Variants in DNAH11 observed in about 807,000 individuals in gnomAD.
DNAH11 encodes the protein axonemal beta dynein heavy chain 11.
In DNAH11, 442 loss-of-function variants were observed where a neutral mutation model predicts 526.0. That is an observed-to-expected ratio of 0.84 (90% CI 0.78 to 0.91). The LOEUF is 0.91. Ranked by LOEUF, DNAH11 falls within the 40% of genes least tolerant of loss-of-function variation. The pLI is 0.00. For missense variants in DNAH11, 6,989 were observed against 5,448.7 expected, an observed-to-expected ratio of 1.28 and a Z score of -8.90; for synonymous variants, 2,461 against 1,935.9, an observed-to-expected ratio of 1.27 and a Z score of -7.12.
At chr7:21,831,211 C>T (rs564428896) in intron 65 of DNAH11, among the ~76,000 whole-genome samples, 1 of 152,284 alleles carries the variant, frequency 6.6e-6, no homozygotes, top group Admixed American at 6.5e-5. Context: ...AATTTAAGTT[C>T]AAGAGCTCAT....
At chr7:21,738,502 C>G (rs1172996574) in intron 46 of DNAH11, among the ~76,000 whole-genome samples, 199 bp from the exon 47 acceptor site, 9 of 152,092 alleles carry the variant, frequency 5.9e-5, no homozygotes, top group Non-Finnish European at 1.2e-4. Context: ...CTTCTGGCAA[C>G]AGGAGGGAGA....
intron 68 of DNAH11, among the ~76,000 whole-genome samples, chr7:21,860,044 A>G (rs1583782654): frequency 6.6e-6 from 1 of 152,160 alleles, no homozygotes; most frequent in Admixed American, 6.5e-5. Flanking sequence ...GTGATGACAC[A>G]TGCCTGTGGT....
Position 21,818,310 on chromosome 7 carries a change from A to G in DNAH11, c.10662A>G (p.Leu3554=). ...CGATAGATCCAGTCCTGGATCCACT[A>G]CTTGGCAGGAACACAATTAAAAAAG... ...EETIDPVLDP[L]LGRNTIKKGK... The change falls in exon 65 of 82, where the codon CTA becomes CTG. Residue 3554 remains leucine (L), a synonymous_variant. Coordinates refer to ENST00000409508, the MANE Select transcript of DNAH11 (RefSeq NM_001277115.2). The G allele has an allele frequency of 6.2e-7, 1 of 1,607,988 alleles. No individual in the cohort carries two copies.
chr7:21,609,121 G>T (rs1041646385), intron 20 of DNAH11, among the ~76,000 whole-genome samples: 14 of 152,160 alleles, frequency 9.2e-5, no homozygotes, highest in African/African-American at 3.4e-4. Context: ...AAGTACTACC[G>T]TTTCTTCACA....
rs57860166 is a variant in DNAH11, at chr7:21,659,419, G to C, written c.5328+388G>C. Reference sequence around the variant, plus strand: ...AAGAGCAAATATTTTCATGGGCTTTGGTTTTCTGTTAATTATAAATTACAG... The same window carrying C: ...AAGAGCAAATATTTTCATGGGCTTTCGTTTTCTGTTAATTATAAATTACAG... On this transcript the variant is annotated intron_variant, in intron 30 of 81. Transcript: ENST00000409508. 9.8e-4 allele frequency among the ~76,000 whole-genome samples: 149 copies of C among 151,770 alleles called. 4 individuals are homozygous for C. The East Asian group carries it at 0.025, about 25-fold the overall frequency.
chr7:21,853,073 G>A (rs187851124), intron 67 of DNAH11, among the ~76,000 whole-genome samples: 2 of 152,304 alleles, frequency 1.3e-5, no homozygotes, highest in East Asian at 3.9e-4. Context: ...ACCGAGCAAA[G>A]GATAATCTCC....
Position 21,561,100 on chromosome 7 carries a change from T to A in DNAH11, c.912T>A (p.Val304=). 1 of 1,603,738 alleles carries A rather than the reference T, an allele frequency of 6.2e-7. No individual in the cohort carries two copies. The highest frequency in any genetic ancestry group is 8.5e-7 in the Non-Finnish European group (1 of 1,174,800). The change falls in exon 5 of 82, where the codon GTT becomes GTA. Residue 304 remains valine (V), a synonymous_variant. Coordinates refer to ENST00000409508, the MANE Select transcript of DNAH11 (RefSeq NM_001277115.2). ...AGGCACCTGTTGTCCTCAAAATGGT[T>A]AAGATCCTGACAACTAAACAAAGCA... ...QLQAPVVLKM[V]KILTTKQSSY... is the part of the protein sequence containing the mutation.
chr7:21,842,141 A>G (rs1227377491), intron 65 of DNAH11, among the ~76,000 whole-genome samples: 1 of 152,146 alleles, frequency 6.6e-6, no homozygotes, highest in Non-Finnish European at 1.5e-5. Flanking sequence ...TCTTGTTTAT[A>G]TCAATTAGTC....
intron 2 of DNAH11, among the ~76,000 whole-genome samples, chr7:21,547,173 T>C (rs1782834951): frequency 6.6e-6 from 1 of 152,270 alleles, no homozygotes; most frequent in African/African-American, 2.4e-5. Flanking sequence ...CTATTTGTTT[T>C]AAACGATATT....
intron 73 of DNAH11, among the ~76,000 whole-genome samples, chr7:21,871,423 A>G (rs1163342006): frequency 6.6e-6 from 1 of 152,232 alleles, no homozygotes; most frequent in East Asian, 1.9e-4. Context: ...GCTAGATTCC[A>G]AAGTGTGCCT....
At chr7:21,785,686 T>G (rs1205535150) in intron 58 of DNAH11, among the ~76,000 whole-genome samples, 2 of 134,014 alleles carry the variant, frequency 1.5e-5, no homozygotes, top group Non-Finnish European at 3.2e-5. Context: ...ACTTAAAATA[T>G]GAAGCTGTGT....
chr7:21,560,022 C>T (rs1392133911), intron 4 of DNAH11, among the ~76,000 whole-genome samples: 1 of 152,104 alleles, frequency 6.6e-6, no homozygotes, highest in Non-Finnish European at 1.5e-5. Context: ...AAATATTGTG[C>T]TACCTTGGAA....
intron 46 of DNAH11, 43 bp from the exon 47 acceptor site, chr7:21,738,658 T>TA: frequency 6.6e-6 from 10 of 1,506,284 alleles, no homozygotes; most frequent in Non-Finnish European, 8.9e-6. Flanking sequence ...AATGAACATT[T>TA]ACATTCTGTT....
intron 56 of DNAH11, among the ~76,000 whole-genome samples, chr7:21,774,454 C>T (rs895135291): frequency 1.3e-5 from 2 of 152,112 alleles, no homozygotes; most frequent in African/African-American, 4.8e-5. Flanking sequence ...TTGTCTGCTC[C>T]TCTTACACAT....
In DNAH11 at chr7:21,748,711, T is replaced by C. The variant is rs1309052689; in HGVS notation, c.8642T>C (p.Leu2881Pro). 1 of 1,613,534 alleles carries C rather than the reference T, an allele frequency of 6.2e-7. No individual in the cohort carries two copies. Among genetic ancestry groups the C allele is most frequent in the Non-Finnish European group, 8.5e-7 (1 of 1,179,646 alleles). The change falls in exon 52 of 82, where the codon CTG becomes CCG. Residue 2881 changes from leucine to proline, a missense_variant. Physicochemically the swap from Leu to Pro is moderately conservative, Grantham distance 98. Transcript: ENST00000409508. ...LRGLEVFQIT[L>P]TEGYGIQELR... Reference sequence around the variant, plus strand: ...GGCCTTGAGGTCTTTCAGATCACTCTGACCGAGGGCTATGGAATCCAGGAA... The same window carrying C: ...GGCCTTGAGGTCTTTCAGATCACTCCGACCGAGGGCTATGGAATCCAGGAA...
chr7:21,737,316 C>A (rs1434854267), intron 46 of DNAH11, among the ~76,000 whole-genome samples: 2 of 152,188 alleles, frequency 1.3e-5, no homozygotes, highest in African/African-American at 4.8e-5. Flanking sequence ...GATAGGGTGA[C>A]CACCTGTCCA....
chr7:21,695,718 A>G (rs1316803904), intron 35 of DNAH11, among the ~76,000 whole-genome samples: 3 of 152,258 alleles, frequency 2.0e-5, no homozygotes, highest in Non-Finnish European at 4.4e-5. Context: ...AAGCAATTGC[A>G]ACAAAAGCCA....
chr7:21,792,768 G>T (rs952374273), intron 61 of DNAH11, among the ~76,000 whole-genome samples: 1 of 150,862 alleles, frequency 6.6e-6, no homozygotes, highest in Non-Finnish European at 1.5e-5. Context: ...TTTTTATTTG[G>T]GTCTTCTCTC....
intron 79 of DNAH11, among the ~76,000 whole-genome samples, chr7:21,898,389 CAG>C (rs1256051775): frequency 6.6e-6 from 1 of 152,174 alleles, no homozygotes; most frequent in Non-Finnish European, 1.5e-5. Flanking sequence ...CTTCACGGCC[CAG>C]AGTCAGGCAA....
Sources: allele counts gnomAD v4.1 joint callset (sites outside exome capture counted in the v4.1 genomes callset), GRCh38; gene constraint gnomAD v4.1.1; transcripts MANE v1.5; gene names NCBI Gene and HGNC (gene_info 2026-07-23, HGNC 2026-07-21).